TEX9: variants seen among roughly 807,000 people sequenced by gnomAD.
TEX9 encodes testis-expressed protein 9.
In TEX9, 74 loss-of-function variants were observed where a neutral mutation model predicts 59.6. The observed-to-expected ratio is 1.24, with a 90% CI of 1.03 to 1.51. TEX9 has a LOEUF of 1.51. Among genes scored for constraint, TEX9 ranks in the 40% most tolerant of loss-of-function variants. TEX9 has a pLI of 0.00. For synonymous variants in TEX9, 186 were observed against 152.2 expected, an observed-to-expected ratio of 1.22 and a Z score of -1.64; for missense variants, 522 against 447.8, an observed-to-expected ratio of 1.17 and a Z score of -1.49.
intron 1 of TEX9, among the ~76,000 whole-genome samples, chr15:56,294,494 G>A (rs140797524): frequency 2.6e-4 from 40 of 152,218 alleles, no homozygotes; most frequent in African/African-American, 8.9e-4. Flanking sequence ...TACATCTCCT[G>A]TACTGTTTTT....
chr15:56,434,935 A>G (rs756674299), intron 12 of TEX9, among the ~76,000 whole-genome samples: 11 of 152,118 alleles, frequency 7.2e-5, no homozygotes, highest in Admixed American at 1.3e-4. Context: ...GGAAATTCAA[A>G]TATAGTTGGA....
intron 1 of TEX9, among the ~76,000 whole-genome samples, chr15:56,273,783 T>C (rs1187873364): frequency 6.6e-6 from 1 of 152,242 alleles, no homozygotes; most frequent in African/African-American, 2.4e-5. Context: ...TAATTCCTGA[T>C]GAATAGTCTA....
intron 6 of TEX9, among the ~76,000 whole-genome samples, chr15:56,390,765 G>A (rs1424524347): frequency 1.3e-5 from 2 of 151,996 alleles, no homozygotes; most frequent in African/African-American, 2.4e-5. Context: ...CTTTCTCAAG[G>A]GGTATTTTTC....
intron 1 of TEX9, among the ~76,000 whole-genome samples, chr15:56,334,826 A>AT (rs1405002694): frequency 6.6e-6 from 1 of 152,090 alleles, no homozygotes. Context: ...TAAAAATCTG[A>AT]TTTTTTTAAA....
intron 10 of TEX9, among the ~76,000 whole-genome samples, chr15:56,418,246 CTTGT>C (rs2049796130): frequency 6.6e-6 from 1 of 151,700 alleles, no homozygotes; most frequent in Non-Finnish European, 1.5e-5. Flanking sequence ...ATTAGGTTGA[CTTGT>C]TTGTGTAATT....
At chr15:56,276,578 T>C (rs1218112108) in intron 1 of TEX9, among the ~76,000 whole-genome samples, 3 of 152,320 alleles carry the variant, frequency 2.0e-5, no homozygotes, top group Admixed American at 6.5e-5. Context: ...TAGTCTATCA[T>C]TGATGGGCAT....
rs981963000 is a variant in TEX9 at position 56,273,274 on chromosome 15, A to G, written c.-107+28996A>G. 5.3e-5 allele frequency among the ~76,000 whole-genome samples: 8 copies of G among 152,162 alleles called. No individual in the cohort carries two copies. In the East Asian group the frequency reaches 1.5e-3, roughly 29 times the overall value. On this transcript the variant is annotated intron_variant, in intron 1 of 5. Transcript: ENST00000560827. ...TGTGTATTTTTTTTAACTCAATATT[A>G]TCTCTACTATTGGTTTACTTATACT...
intron 1 of TEX9, among the ~76,000 whole-genome samples, chr15:56,310,051 C>A (rs1164349014): frequency 6.6e-6 from 1 of 152,084 alleles, no homozygotes; most frequent in African/African-American, 2.4e-5. Context: ...ACAGTAAATT[C>A]CTCTGGCAGC....
chr15:56,274,303 T>C (rs2044618912), intron 1 of TEX9, among the ~76,000 whole-genome samples: 1 of 152,230 alleles, frequency 6.6e-6, no homozygotes, highest in African/African-American at 2.4e-5. Context: ...GTTTTATTTC[T>C]AGTATTTCCA....
intron 1 of TEX9, among the ~76,000 whole-genome samples, chr15:56,344,640 G>T (rs1331704105): frequency 6.6e-6 from 1 of 151,988 alleles, no homozygotes; most frequent in Admixed American, 6.6e-5. Flanking sequence ...CTTTAAATGG[G>T]TGAATTGTGT....
At chr15:56,412,239 A>G (rs2049389656) in intron 9 of TEX9, 63 bp from the exon 10 acceptor site, 4 of 1,494,628 alleles carry the variant, frequency 2.7e-6, no homozygotes, top group South Asian at 1.3e-5. Context: ...AGATACTGCA[A>G]AATGATAAAG....
At chr15:56,425,924 G>A (rs1458595686) in intron 10 of TEX9, among the ~76,000 whole-genome samples, 2 of 152,166 alleles carry the variant, frequency 1.3e-5, no homozygotes, top group African/African-American at 4.8e-5. Context: ...TTCTGGGGTT[G>A]TGTCTTTCCT....
intron 1 of TEX9, among the ~76,000 whole-genome samples, chr15:56,309,504 T>TTGGTC (rs2045555082): frequency 6.6e-6 from 1 of 152,134 alleles, no homozygotes; most frequent in African/African-American, 2.4e-5. Context: ...ATAAGGAATA[T>TTGGTC]TGGTCTGTAG....
intron 1 of TEX9, among the ~76,000 whole-genome samples, chr15:56,355,268 T>C (rs1483912171): frequency 6.6e-6 from 1 of 152,178 alleles, no homozygotes; most frequent in Non-Finnish European, 1.5e-5. Flanking sequence ...TAGATTGCTG[T>C]GTTGTATTAT....
At chr15:56,447,036 C>A, downstream of TEX9, 1 of 820,022 alleles carries the variant, frequency 1.2e-6, no homozygotes, top group South Asian at 1.6e-5. Context: ...TTAATTTACT[C>A]AAAGAGGGAA....
At chr15:56,254,430 A>G (rs2044097368) in intron 1 of TEX9, among the ~76,000 whole-genome samples, 4 of 151,818 alleles carry the variant, frequency 2.6e-5, no homozygotes, top group African/African-American at 9.7e-5. Context: ...AATTGTCCAC[A>G]GATTAAGTAG....
intron 1 of TEX9, among the ~76,000 whole-genome samples, chr15:56,355,531 C>T (rs1448316812): frequency 6.6e-6 from 1 of 152,112 alleles, no homozygotes; most frequent in Non-Finnish European, 1.5e-5. Context: ...GTCTTGGAAT[C>T]AGTTATTGTT....
At chr15:56,276,870 G>T (rs1393567245) in intron 1 of TEX9, among the ~76,000 whole-genome samples, 1 of 152,178 alleles carries the variant, frequency 6.6e-6, no homozygotes, top group Non-Finnish European at 1.5e-5. Context: ...TAACTGGTGT[G>T]AGATGGTATT....
intron 1 of TEX9, among the ~76,000 whole-genome samples, chr15:56,312,618 G>T (rs1490936611): frequency 6.8e-6 from 1 of 146,636 alleles, no homozygotes; most frequent in Non-Finnish European, 1.5e-5. Flanking sequence ...GGATTGACTT[G>T]GTGATGCGGG....
Sources: allele counts gnomAD v4.1 joint callset (sites outside exome capture counted in the v4.1 genomes callset), GRCh38; gene constraint gnomAD v4.1.1; transcripts MANE v1.5; gene names NCBI Gene and HGNC (gene_info 2026-07-23, HGNC 2026-07-21).